Variants in ABR observed in about 807,000 individuals in gnomAD.
ABR encodes the protein active breakpoint cluster region-related protein.
Under a neutral mutation model 107.2 loss-of-function variants are expected in ABR, and 35 were observed. The ratio of observed to expected loss-of-function variants is 0.33; its 90% CI spans 0.25 to 0.43. ABR has a LOEUF of 0.43. Ranked by LOEUF, ABR falls within the 20% of genes least tolerant of loss-of-function variation. The probability of loss-of-function intolerance (pLI) is 1.00; values close to 1 mark genes in which losing one functional copy is unlikely to be tolerated. For missense variants in ABR, 815 were observed against 1,115.2 expected, an observed-to-expected ratio of 0.73 and a Z score of 3.83; for synonymous variants, 498 against 462.0, an observed-to-expected ratio of 1.08 and a Z score of -1.00.
At chr17:1,223,162 A>G (rs1191358373) in intron 1 of ABR, among the ~76,000 whole-genome samples, 1 of 151,854 alleles carries the variant, frequency 6.6e-6, no homozygotes. Flanking sequence ...AGATCTTGCC[A>G]TTACACACCA....
chr17:1,009,884 G>A, intron 20 of ABR, 100 bp from the exon 21 acceptor site: 1 of 1,066,736 alleles, frequency 9.4e-7, no homozygotes, highest in East Asian at 2.4e-5. Context: ...GAGAGCCCAG[G>A]CTTCCAGGCC....
chr17:1,214,863 C>G (rs946049953), intron 1 of ABR, among the ~76,000 whole-genome samples: 1 of 151,772 alleles, frequency 6.6e-6, no homozygotes, highest in Admixed American at 6.6e-5. Flanking sequence ...GCAGCTATCT[C>G]GGTGTATATA....
At chr17:1,009,577 C>T (rs2070356754) in intron 21 of ABR, 102 bp downstream of exon 21, 1 of 982,588 alleles carries the variant, frequency 1.0e-6, no homozygotes, top group Non-Finnish European at 1.6e-6. Flanking sequence ...TCCCCGTTAC[C>T]TTTTCACGAG....
chr17:1,056,169 C>T, intron 13 of ABR, 60 bp from the exon 14 acceptor site: 1 of 1,469,788 alleles, frequency 6.8e-7, no homozygotes, highest in Non-Finnish European at 9.5e-7. Flanking sequence ...CAGCCTCCAC[C>T]CCAGGCCGGC....
intron 1 of ABR, among the ~76,000 whole-genome samples, chr17:1,139,789 G>A (rs1229753256): frequency 6.6e-6 from 1 of 152,144 alleles, no homozygotes; most frequent in African/African-American, 2.4e-5. Context: ...TCATATGTAG[G>A]ACTCATACAA....
chr17:1,088,454 AATAATAATAAT>A (rs2036777624), intron 4 of ABR, among the ~76,000 whole-genome samples: 1 of 33,558 alleles, frequency 3.0e-5, no homozygotes, highest in Non-Finnish European at 6.8e-5. Flanking sequence ...TTCCCAATTT[AATAATAATAAT>A]AATAATAATA....
chr17:1,057,651 GT>G (rs2033476115), intron 12 of ABR, among the ~76,000 whole-genome samples: 1 of 25,600 alleles, frequency 3.9e-5, no homozygotes. Flanking sequence ...CTCTGTGTAT[GT>G]GTGTATGTGT....
Position 1,117,087 on chromosome 17 carries a change from C to A in ABR, c.246+8096G>T, listed in dbSNP as rs1215436155. Among the ~76,000 whole-genome samples the A allele has an allele frequency of 1.3e-5, 2 of 151,718 alleles. 1 individual carries two copies. The highest frequency in any genetic ancestry group is 2.9e-5 in the Non-Finnish European group (2 of 67,860). On this transcript the variant is annotated intron_variant, in intron 2 of 22. Coordinates refer to ENST00000302538, the MANE Select transcript of ABR (RefSeq NM_021962.5). ...AGAAAGGGAAGAAGAGGCTGCAGTT[C>A]CTCCCAGCGTTATCCCTGAGCCTGA...
At chr17:1,153,004 G>A (rs558250118) in intron 1 of ABR, among the ~76,000 whole-genome samples, 4 of 151,972 alleles carry the variant, frequency 2.6e-5, no homozygotes, top group Non-Finnish European at 5.9e-5. Flanking sequence ...CAGGAGAATC[G>A]CCTGAACCAA....
chr17:1,146,702 T>C (rs865998035), intron 1 of ABR, among the ~76,000 whole-genome samples: 2 of 121,602 alleles, frequency 1.6e-5, no homozygotes, highest in Non-Finnish European at 3.4e-5. Context: ...ACTGCCACCA[T>C]GCCACCACTG....
At chr17:1,191,006 G>A (rs1190970286), upstream of ABR, among the ~76,000 whole-genome samples, 1 of 152,194 alleles carries the variant, frequency 6.6e-6, no homozygotes, top group Non-Finnish European at 1.5e-5. Flanking sequence ...GCTTGGGCAC[G>A]ACTTCTGCGG....
intron 22 of ABR, 107 bp from the exon 23 acceptor site, chr17:1,006,276 C>T (rs1386453751): frequency 1.4e-5 from 14 of 1,034,030 alleles, no homozygotes; most frequent in East Asian, 1.0e-4. Context: ...CTCCGGCCAC[C>T]GCCCCTTCCT....
upstream of ABR, chr17:1,182,194 G>C (rs990898563): frequency 1.1e-4 from 16 of 152,068 alleles, no homozygotes; most frequent in Non-Finnish European, 2.2e-4. Flanking sequence ...CTGTGTGCCC[G>C]GCTTAGCGTT....
chr17:1,121,602 G>A lies in ABR; in HGVS notation c.246+3581C>T, dbSNP rs368824986. On this transcript the variant is annotated intron_variant, in intron 2 of 22. Transcript: ENST00000302538. ...CTGAGAGCTGCTCACAGTGGGATGGGAGCTGAGTCCCCAAGGCAGGGCTCT... is the reference window on the plus strand; with the variant it reads ...CTGAGAGCTGCTCACAGTGGGATGGAAGCTGAGTCCCCAAGGCAGGGCTCT... Among the ~76,000 whole-genome samples the A allele has an allele frequency of 6.2e-5, 9 of 144,934 alleles. No homozygotes were observed. The East Asian group carries it at 1.9e-3, about 30-fold the overall frequency.
intron 2 of ABR, among the ~76,000 whole-genome samples, chr17:1,108,509 A>G (rs1483496371): frequency 6.6e-6 from 1 of 152,174 alleles, no homozygotes; most frequent in Non-Finnish European, 1.5e-5. Flanking sequence ...AAGCTCAGTG[A>G]CCTCTGGCTC....
chr17:1,203,149 G>C (rs1344209155), intron 1 of ABR, among the ~76,000 whole-genome samples: 1 of 152,138 alleles, frequency 6.6e-6, no homozygotes, highest in Non-Finnish European at 1.5e-5. Context: ...GCCTCCCAGA[G>C]TGCTGGGATG....
At chr17:1,047,483 A>G (rs2257463) in intron 16 of ABR, among the ~76,000 whole-genome samples, 88,088 of 151,854 alleles carry the variant, frequency 0.58, 25,888 homozygotes, top group South Asian at 0.69. Context: ...CTCCCCCACC[A>G]AAGGCAGGCT....
At chr17:1,104,631 T>C (rs1477364976) in intron 2 of ABR, among the ~76,000 whole-genome samples, 5 of 152,206 alleles carry the variant, frequency 3.3e-5, no homozygotes, top group Non-Finnish European at 7.3e-5. Context: ...ACACCAAGCA[T>C]CAACCTCAGG....
chr17:1,218,853 C>T (rs1354787579), intron 1 of ABR, among the ~76,000 whole-genome samples: 2 of 152,220 alleles, frequency 1.3e-5, no homozygotes, highest in Non-Finnish European at 2.9e-5. Context: ...TTCTAGACTT[C>T]TCTGAATTCC....
Sources: gnomAD v4.1 joint callset for allele counts (sites outside exome capture counted in the v4.1 genomes callset) on GRCh38, gnomAD v4.1.1 for gene constraint, MANE v1.5 for transcripts, NCBI Gene and HGNC (gene_info 2026-07-23, HGNC 2026-07-21) for gene names.